The following WDR27 variants were observed in gnomAD, a reference collection of about 807,000 sequenced individuals.
WDR27 encodes WD repeat domain 27, also known as WD repeat-containing protein 27.
Under a neutral mutation model 114.4 loss-of-function variants are expected in WDR27, and 100 were observed. The observed-to-expected ratio is 0.87, with a 90% CI of 0.74 to 1.03. The LOEUF is 1.03. Among genes scored for constraint, WDR27 ranks in the 50% least tolerant of loss-of-function variants. The pLI is 0.00. For synonymous variants in WDR27, 449 were observed against 423.1 expected (o/e 1.06, Z -0.75); for missense variants, 1,129 against 1,092.9 (o/e 1.03, Z -0.47).
intron 13 of WDR27, among the ~76,000 whole-genome samples, chr6:169,654,781 G>A (rs892777642): frequency 6.6e-6 from 1 of 151,328 alleles, no homozygotes; most frequent in Admixed American, 6.6e-5. Context: ...AGAAGGAGGC[G>A]CGTTCAGGAG....
intron 25 of WDR27, among the ~76,000 whole-genome samples, chr6:169,474,270 C>T (rs533561627): frequency 7.2e-5 from 11 of 152,298 alleles, no homozygotes; most frequent in African/African-American, 2.6e-4. Flanking sequence ...GCCACATTCT[C>T]AGGTAAAGTC....
intron 16 of WDR27, 57 bp from the exon 17 acceptor site, chr6:169,643,843 C>T: frequency 2.1e-6 from 3 of 1,421,444 alleles, no homozygotes. Context: ...ATAGGAGTCA[C>T]ACTGTAGAAA....
chr6:169,592,146 G>C (rs1350150985), intron 23 of WDR27, among the ~76,000 whole-genome samples: 1 of 152,076 alleles, frequency 6.6e-6, no homozygotes, highest in Non-Finnish European at 1.5e-5. Flanking sequence ...TCATCATCAT[G>C]TTCTTTTTTC....
At chr6:169,643,168 C>T (rs1231484666) in intron 17 of WDR27, among the ~76,000 whole-genome samples, 1 of 152,098 alleles carries the variant, frequency 6.6e-6, no homozygotes, top group Non-Finnish European at 1.5e-5. Flanking sequence ...TAAAGCAAGC[C>T]ATATCAGGAT....
rs144719964 is a variant in WDR27 at position 169,699,220 on chromosome 6, G to A, written c.-8+2331C>T. Among the ~76,000 whole-genome samples, 224 of 152,292 alleles carry A rather than the reference G, an allele frequency of 1.5e-3. 1 individual carries two copies. The highest frequency in any genetic ancestry group is 5.3e-3 in the African/African-American group (219 of 41,578). ...CGGAATGGACACGAAAAGAAAGTAC[G>A]AAGAGCAGGGGCTGCAGCACTGGGA... On this transcript the variant is annotated intron_variant, in intron 1 of 25. Transcript: ENST00000448612.
At chr6:169,590,279 T>C (rs984251613) in intron 23 of WDR27, among the ~76,000 whole-genome samples, 6 of 152,340 alleles carry the variant, frequency 3.9e-5, no homozygotes, top group African/African-American at 9.6e-5. Flanking sequence ...GAAGTGAGTG[T>C]TGCACTCCTG....
chr6:169,604,839 C>T (rs1336106081), intron 22 of WDR27, among the ~76,000 whole-genome samples: 1 of 151,250 alleles, frequency 6.6e-6, no homozygotes, highest in Admixed American at 6.6e-5. Context: ...GAATCATGGA[C>T]AAAAAAATAT....
chr6:169,462,600 A>G (rs1378423595), intron 25 of WDR27, among the ~76,000 whole-genome samples: 1 of 152,206 alleles, frequency 6.6e-6, no homozygotes, highest in Admixed American at 6.5e-5. Context: ...AACTTTTACA[A>G]AAAACTGAGG....
chr6:169,689,751 G>A (rs546533095), intron 1 of WDR27, among the ~76,000 whole-genome samples: 21 of 152,360 alleles, frequency 1.4e-4, no homozygotes, highest in South Asian at 4.1e-4. Context: ...ACTGCAGGCC[G>A]GCAATAGATG....
At chr6:169,645,789 C>T (rs1481321533) in intron 16 of WDR27, among the ~76,000 whole-genome samples, 2 of 151,274 alleles carry the variant, frequency 1.3e-5, no homozygotes, top group Non-Finnish European at 2.9e-5. Flanking sequence ...TCACAGAAGT[C>T]ACACTGTAGA....
intron 9 of WDR27, 144 bp from the exon 10 acceptor site, chr6:169,660,910 G>A: frequency 1.4e-6 from 1 of 715,626 alleles, no homozygotes; most frequent in East Asian, 2.9e-5. Context: ...CCCTGGCCTG[G>A]CTGTGAGCTC....
At position 169,608,147 on chromosome 6, in the gene WDR27, GT is replaced by G. The variant is rs527333088; in HGVS notation, c.2321+5411del. Among the ~76,000 whole-genome samples the G allele has an allele frequency of 1.4e-4, 22 of 152,258 alleles. No homozygotes were observed. The East Asian group carries it at 4.3e-3, about 29-fold the overall frequency. ...AAAAGGAAAATGAAATCTCCATACT[GT>G]TTTCCATGGAACTAAAAGTAGATTT... On this transcript the variant is annotated intron_variant, in intron 22 of 25. Coordinates refer to ENST00000448612, the MANE Select transcript of WDR27 (RefSeq NM_182552.5).
intron 18 of WDR27, 71 bp downstream of exon 18, chr6:169,638,468 G>A (rs1408035028): frequency 6.4e-7 from 1 of 1,555,772 alleles, no homozygotes; most frequent in African/African-American, 1.4e-5. Flanking sequence ...TAAGGTAAAA[G>A]AATGAGACTT....
chr6:169,612,631 T>TATAA (rs1554312907), intron 22 of WDR27, among the ~76,000 whole-genome samples: 2 of 97,030 alleles, frequency 2.1e-5, no homozygotes, highest in East Asian at 7.2e-4. Context: ...CTGTCTAACA[T>TATAA]AAAAAAAAAA....
At chr6:169,614,875 A>C (rs1267361416) in intron 21 of WDR27, among the ~76,000 whole-genome samples, 1 of 152,206 alleles carries the variant, frequency 6.6e-6, no homozygotes, top group Non-Finnish European at 1.5e-5. Flanking sequence ...GTTTAACAAA[A>C]AGACAGAGAA....
intron 15 of WDR27, among the ~76,000 whole-genome samples, chr6:169,648,877 C>T (rs966220992): frequency 2.0e-5 from 3 of 152,236 alleles, no homozygotes; most frequent in Admixed American, 2.0e-4. Flanking sequence ...GGCACTACAA[C>T]GGCCCCAACA....
At chr6:169,462,280 A>G (rs548918748) in intron 25 of WDR27, among the ~76,000 whole-genome samples, 62 of 152,222 alleles carry the variant, frequency 4.1e-4, no homozygotes, top group African/African-American at 1.5e-3. Context: ...CCCCATCTTT[A>G]CTAAAAATTA....
At chr6:169,519,382 CA>C (rs1420498955) in intron 25 of WDR27, among the ~76,000 whole-genome samples, 1 of 152,188 alleles carries the variant, frequency 6.6e-6, no homozygotes, top group African/African-American at 2.4e-5. Context: ...AATTGGCTCA[CA>C]ATTCTGCAGG....
At chr6:169,455,777 A>G (rs142727501), downstream of WDR27, among the ~76,000 whole-genome samples, 648 of 152,316 alleles carry the variant, frequency 4.3e-3, 9 homozygotes, top group East Asian at 0.043. Context: ...TTATACTGCT[A>G]TTCTTATGCT....
Sources: allele counts gnomAD v4.1 joint callset (sites outside exome capture counted in the v4.1 genomes callset), GRCh38; gene constraint gnomAD v4.1.1; transcripts MANE v1.5; gene names NCBI Gene and HGNC (gene_info 2026-07-23, HGNC 2026-07-21).